FAHD2A: variants seen among roughly 807,000 people sequenced by gnomAD.
The protein encoded by FAHD2A is oxaloacetate tautomerase FAHD2A, mitochondrial.
FAHD2A carries 27 observed loss-of-function variants against 33.4 expected under a neutral mutation model. The ratio of observed to expected loss-of-function variants is 0.81; its 90% CI spans 0.60 to 1.11. The LOEUF (loss-of-function observed/expected upper bound fraction) is 1.11. FAHD2A is among the 50% of genes most tolerant of loss of function. The pLI, the probability that FAHD2A is intolerant of heterozygous loss-of-function variation, is 0.00. For synonymous variants in FAHD2A, 130 were observed against 153.3 expected, an observed-to-expected ratio of 0.85 and a Z score of 1.12; for missense variants, 296 against 395.0, an observed-to-expected ratio of 0.75 and a Z score of 2.12.
At chr2:95,408,126 A>G (rs1054400266) in intron 3 of FAHD2A, among the ~76,000 whole-genome samples, 4 of 151,766 alleles carry the variant, frequency 2.6e-5, no homozygotes, top group Non-Finnish European at 4.4e-5. Context: ...TAGTCATAAA[A>G]ACGTAAATAG....
chr2:95,412,632 C>T (rs1478794627), intron 6 of FAHD2A, 45 bp from the exon 7 acceptor site: 3 of 1,613,704 alleles, frequency 1.9e-6, no homozygotes, highest in East Asian at 4.5e-5. Flanking sequence ...CTGTGGCCAC[C>T]TCAGCCAGCC....
In FAHD2A at chr2:95,410,880, C is replaced by T; in HGVS notation, c.539C>T (p.Ala180Val). 1 of 1,613,962 alleles carries T rather than the reference C, an allele frequency of 6.2e-7. No individual in the cohort carries two copies. Among genetic ancestry groups the T allele is most frequent in the Non-Finnish European group, 8.5e-7 (1 of 1,179,840 alleles). Residue 180 changes from alanine (A) to valine (V), a missense_variant, in exon 5 of 8, where the codon GCC (alanine) becomes GTC (valine). Physicochemically the swap from Ala to Val is moderately conservative, Grantham distance 64. Transcript: ENST00000233379. ...CCCCCATAGGCCACAGATGCTATGG[C>T]CCACGTGGCCGGCTTCACTGTGGCT... ...GKHIKATDAMAHVAGFTVAHD... is the reference protein window; with the variant it reads ...GKHIKATDAMVHVAGFTVAHD...
In FAHD2A at chr2:95,412,707, C is replaced by T. The variant is rs1682739156; in HGVS notation, c.825C>T (p.Ile275=). ...TTACCTTTTACCCAGGGGATGTCAT[C>T]CTAACTGGGACCCCCCCAGGTGTCG... ...QFVTFYPGDV[I]LTGTPPGVGV... The change falls in exon 7 of 8, where the codon ATC becomes ATT. Residue 275 remains isoleucine, a synonymous_variant. Coordinates refer to ENST00000233379, the MANE Select transcript of FAHD2A (RefSeq NM_016044.3). The T allele has an allele frequency of 6.8e-6, 11 of 1,614,044 alleles. No homozygotes were observed. In the East Asian group the frequency reaches 2.0e-4, roughly 29 times the overall value.
At chr2:95,411,548 A>T (rs1682515341) in intron 5 of FAHD2A, among the ~76,000 whole-genome samples, 1 of 152,238 alleles carries the variant, frequency 6.6e-6, no homozygotes, top group African/African-American at 2.4e-5. Context: ...GGGTGTCCAC[A>T]TGGGCCAGCC....
At chr2:95,403,131 C>G (rs1442401595) in intron 1 of FAHD2A, 2 of 152,304 alleles carry the variant, frequency 1.3e-5, no homozygotes, top group Non-Finnish European at 2.9e-5. Flanking sequence ...ATGGAGGCTA[C>G]TGTTTCCACC....
At position 95,411,009 on chromosome 2, in the gene FAHD2A, C is replaced by G; in HGVS notation, c.668C>G (p.Thr223Ser). 1 of 1,613,986 alleles carries G rather than the reference C, an allele frequency of 6.2e-7. No individual in the cohort carries two copies. Among genetic ancestry groups the G allele is most frequent in the Non-Finnish European group, 8.5e-7 (1 of 1,179,868 alleles). ...TGCCCTCTGGGCCCTGCCTTGGTGA[C>G]CAAGGACAGTGTAGCAGGTAGGTCC... ...TFCPLGPALV[T>S]KDSVADPHNL... is the part of the protein sequence containing the mutation. The change falls in exon 5 of 8, where the codon ACC (threonine) becomes AGC (serine). Residue 223 changes from threonine (T) to serine (S), a missense_variant. Transcript: ENST00000233379.
At chr2:95,405,520 T>G (rs1681378142) in intron 1 of FAHD2A, 33 bp from the exon 2 acceptor site, 1 of 1,581,228 alleles carries the variant, frequency 6.3e-7, no homozygotes, top group Admixed American at 1.8e-5. Context: ...TCTGGGATCC[T>G]CTGTCTCCTG....
In FAHD2A at chr2:95,413,391, T is replaced by C. The variant is rs1359583786; in HGVS notation, c.*434T>C. ...TGCAGCCTCCTCTCCATCTTCTGGC[T>C]CTAGGACACAGCTGTGTTCTGGGGC... On this transcript the variant is annotated 3_prime_UTR_variant, in exon 8 of 8. Coordinates refer to ENST00000233379, the MANE Select transcript of FAHD2A (RefSeq NM_016044.3). 1 of 1,578,700 alleles carries C rather than the reference T, an allele frequency of 6.3e-7. No individual in the cohort carries two copies. Among genetic ancestry groups the C allele is most frequent in the Non-Finnish European group, 8.5e-7 (1 of 1,170,136 alleles).
downstream of FAHD2A, among the ~76,000 whole-genome samples, chr2:95,418,546 A>C (rs1366804004): frequency 6.6e-6 from 1 of 152,014 alleles, no homozygotes; most frequent in East Asian, 1.9e-4. Flanking sequence ...ACGTGGAGTA[A>C]TCTGAAAGAC....
At chr2:95,419,011 T>A (rs1683278043), downstream of FAHD2A, among the ~76,000 whole-genome samples, 1 of 152,004 alleles carries the variant, frequency 6.6e-6, no homozygotes, top group Admixed American at 6.6e-5. Flanking sequence ...AAGATGGAGA[T>A]GGAGGCTGAA....
At position 95,410,926 on chromosome 2, in the gene FAHD2A, C is replaced by G. The variant is rs769681317; in HGVS notation, c.585C>G (p.Asp195Glu). ...TGGCTCATGACGTGAGTGCTCGTGA[C>G]TGGCAAATGAGACGTAATGGGAAAC... ...FTVAHDVSAR[D>E]WQMRRNGKQW... Residue 195 changes from aspartate (D) to glutamate (E), a missense_variant, in exon 5 of 8, where the codon GAC (aspartate) becomes GAG (glutamate). Physicochemically the swap from Asp to Glu is conservative, Grantham distance 45 (BLOSUM62 2). Transcript: ENST00000233379. The G allele has an allele frequency of 1.2e-6, 2 of 1,614,014 alleles. No homozygotes were observed. The highest frequency in any genetic ancestry group is 1.7e-4 in the Middle Eastern group (1 of 6,056).
At position 95,412,477 on chromosome 2, in the gene FAHD2A, G is replaced by T. The variant is rs1045346; in HGVS notation, c.729G>T (p.Val243=). 1.9e-4 allele frequency: 306 copies of T among 1,613,832 alleles called. No individual in the cohort carries two copies. Among genetic ancestry groups the T allele is most frequent in the Non-Finnish European group, 2.5e-4 (297 of 1,179,866 alleles). ...LKICCRVNGE[V]VQSGNTNQMV... ...TCTGCTGCCGAGTGAATGGGGAAGTGGTCCAGAGCGGCAACACCAACCAGA... is the reference window on the plus strand; with the variant it reads ...TCTGCTGCCGAGTGAATGGGGAAGTTGTCCAGAGCGGCAACACCAACCAGA... The change falls in exon 6 of 8, where the codon GTG becomes GTT. Residue 243 remains valine (V), a synonymous_variant. Coordinates refer to ENST00000233379, the MANE Select transcript of FAHD2A (RefSeq NM_016044.3).
Position 95,414,983 on chromosome 2 carries a change from T to A in FAHD2A, c.*2026T>A, listed in dbSNP as rs1357618514. ...GTAGAGACGGAGCCCTCCACCCCTC[T>A]CACACACTCATCCTCACACCCAGCT... On this transcript the variant is annotated 3_prime_UTR_variant, in exon 8 of 8. Transcript: ENST00000233379. The A allele has an allele frequency of 6.6e-6, 1 of 152,138 alleles. No homozygotes were observed. The highest frequency in any genetic ancestry group is 1.5e-5 in the Non-Finnish European group (1 of 68,066). 9.4% of individuals were successfully genotyped at this position (152,138 alleles called of 1,614,324 possible).
At chr2:95,419,594 G>T (rs1306560422), downstream of FAHD2A, among the ~76,000 whole-genome samples, 1 of 152,012 alleles carries the variant, frequency 6.6e-6, no homozygotes, top group Non-Finnish European at 1.5e-5. Context: ...TGCAAGTTCA[G>T]GACAATGAAA....
At chr2:95,420,463 T>TC (rs772705287), downstream of FAHD2A, among the ~76,000 whole-genome samples, 2 of 151,586 alleles carry the variant, frequency 1.3e-5, no homozygotes, top group Non-Finnish European at 2.9e-5. Flanking sequence ...AGTGAGCAAA[T>TC]CCCCCTGGGC....
At chr2:95,405,096 C>T (rs2104343191) in intron 1 of FAHD2A, among the ~76,000 whole-genome samples, 1 of 152,376 alleles carries the variant, frequency 6.6e-6, no homozygotes, top group South Asian at 2.1e-4. Flanking sequence ...TGGTCCTGCT[C>T]ATTTAGCCCA....
chr2:95,408,298 C>T (rs1241432530), intron 3 of FAHD2A, among the ~76,000 whole-genome samples: 2 of 152,218 alleles, frequency 1.3e-5, no homozygotes, highest in East Asian at 1.9e-4. Flanking sequence ...TTGGTTACTT[C>T]GTTTGTTGCT....
At chr2:95,403,746 C>T (rs1233787805) in intron 1 of FAHD2A, among the ~76,000 whole-genome samples, 1 of 152,224 alleles carries the variant, frequency 6.6e-6, no homozygotes, top group East Asian at 1.9e-4. Flanking sequence ...TTGGGCAAAT[C>T]TCTTAACCTC....
Position 95,413,595 on chromosome 2 carries a change from G to A in FAHD2A, c.*638G>A, listed in dbSNP as rs1317139185. The A allele has an allele frequency of 2.0e-6, 3 of 1,532,056 alleles. No individual in the cohort carries two copies. Among genetic ancestry groups the A allele is most frequent in the Admixed American group, 4.3e-5 (2 of 46,026 alleles). 94.9% of individuals were successfully genotyped at this position (1,532,056 alleles called of 1,614,324 possible). On this transcript the variant is annotated 3_prime_UTR_variant, in exon 8 of 8. Transcript: ENST00000233379. ...GGGCCATGGAAGATGGGCCGTGAGT[G>A]CACTCACCACAGGGACTGTGTCCAC...
Sources: allele counts gnomAD v4.1 joint callset (sites outside exome capture counted in the v4.1 genomes callset), GRCh38; gene constraint gnomAD v4.1.1; transcripts MANE v1.5; gene names NCBI Gene and HGNC (gene_info 2026-07-23, HGNC 2026-07-21).